Variants in ACVR1C observed in about 807,000 individuals in gnomAD.
ACVR1C encodes activin receptor type-1C.
ACVR1C carries 23 observed loss-of-function variants against 57.9 expected under a neutral mutation model. The ratio of observed to expected loss-of-function variants is 0.40; its 90% confidence interval spans 0.29 to 0.56. The LOEUF (loss-of-function observed/expected upper bound fraction) is 0.56, where lower values mean the gene tolerates loss of function less well. Among genes scored for constraint, ACVR1C ranks in the 20% least tolerant of loss-of-function variants. The probability of loss-of-function intolerance (pLI) is 0.50; values close to 1 mark genes in which losing one functional copy is unlikely to be tolerated. For missense variants in ACVR1C, 480 were observed against 607.9 expected, an observed-to-expected ratio of 0.79 and a Z score of 2.21; for synonymous variants, 214 against 215.3, an observed-to-expected ratio of 0.99 and a Z score of 0.05.
chr2:157,572,725 C>T (rs1688546378), intron 2 of ACVR1C, among the ~76,000 whole-genome samples: 1 of 152,066 alleles, frequency 6.6e-6, no homozygotes, highest in Non-Finnish European at 1.5e-5. Context: ...GAAATGCCTC[C>T]TATATTAAAC....
intron 1 of ACVR1C, among the ~76,000 whole-genome samples, chr2:157,620,184 T>C (rs1391282069): frequency 6.6e-6 from 1 of 152,114 alleles, no homozygotes; most frequent in African/African-American, 2.4e-5. Context: ...CATTCAGTTA[T>C]ACATTTATTA....
rs757167755 is a variant in ACVR1C, at chr2:157,556,149, G to C, written c.488C>G (p.Ala163Gly). The C allele has an allele frequency of 1.9e-6, 3 of 1,614,070 alleles. No homozygotes were observed. Among genetic ancestry groups the C allele is most frequent in the African/African-American group, 2.7e-5 (2 of 75,036 alleles). The change falls in exon 3 of 9, where the codon GCT (alanine) becomes GGT (glycine). Residue 163 changes from alanine to glycine, a missense_variant. Physicochemically the swap from Ala to Gly is moderately conservative, Grantham distance 60. Transcript: ENST00000243349. ...EPLSECNLVN[A>G]GKTLKDLIYD... ...AATCAGATCTTTCAGAGTTTTTCCAGCATTTACCAGATTGCACTCAGAGAG... is the reference window on the plus strand; with the variant it reads ...AATCAGATCTTTCAGAGTTTTTCCACCATTTACCAGATTGCACTCAGAGAG...
At chr2:157,560,910 T>C (rs1405200284) in intron 2 of ACVR1C, among the ~76,000 whole-genome samples, 2 of 152,200 alleles carry the variant, frequency 1.3e-5, no homozygotes, top group African/African-American at 4.8e-5. Flanking sequence ...AATCTTCTGG[T>C]ATAATATCTA....
chr2:157,609,364 T>A (rs1682479839), intron 1 of ACVR1C, among the ~76,000 whole-genome samples: 1 of 151,998 alleles, frequency 6.6e-6, no homozygotes, highest in Admixed American at 6.6e-5. Context: ...ATAAAATTTG[T>A]TGAGACTTAT....
At chr2:157,570,770 G>A (rs1393696492) in intron 2 of ACVR1C, among the ~76,000 whole-genome samples, 3 of 66,426 alleles carry the variant, frequency 4.5e-5, no homozygotes, top group East Asian at 2.8e-4. Context: ...AATCAATATC[G>A]TGAAAATGGC....
At chr2:157,599,273 G>A (rs531426550) in intron 1 of ACVR1C, among the ~76,000 whole-genome samples, 42 of 134,358 alleles carry the variant, frequency 3.1e-4, no homozygotes, top group African/African-American at 1.2e-3. Flanking sequence ...GGGGGAGCTC[G>A]CAGTGGGCCA....
chr2:157,606,439 T>C (rs1682399188), intron 1 of ACVR1C, among the ~76,000 whole-genome samples: 1 of 151,942 alleles, frequency 6.6e-6, no homozygotes, highest in Non-Finnish European at 1.5e-5. Context: ...GAGTTCACTT[T>C]TCTGTGGACA....
intron 1 of ACVR1C, among the ~76,000 whole-genome samples, chr2:157,623,420 A>G (rs1682828794): frequency 6.6e-6 from 1 of 152,252 alleles, no homozygotes; most frequent in South Asian, 2.1e-4. Context: ...AGTACTATTC[A>G]GCCATAAAAA....
intron 1 of ACVR1C, among the ~76,000 whole-genome samples, chr2:157,614,690 A>G (rs890719162): frequency 3.3e-5 from 5 of 152,232 alleles, no homozygotes; most frequent in African/African-American, 1.2e-4. Context: ...GGCTAGAAGC[A>G]TACACAACAT....
chr2:157,550,055 T>C, intron 4 of ACVR1C, 107 bp downstream of exon 4: 1 of 604,582 alleles, frequency 1.7e-6, no homozygotes, highest in East Asian at 3.4e-5. Flanking sequence ...AAAGAAGAGG[T>C]GAATTTATTT....
chr2:157,558,649 T>A (rs977202016), intron 2 of ACVR1C, among the ~76,000 whole-genome samples: 1 of 152,236 alleles, frequency 6.6e-6, no homozygotes. Context: ...CCCCTGAGTG[T>A]TTCGGAATTC....
intron 1 of ACVR1C, among the ~76,000 whole-genome samples, chr2:157,620,224 A>G (rs1682741026): frequency 6.6e-6 from 1 of 152,088 alleles, no homozygotes; most frequent in Admixed American, 6.6e-5. Flanking sequence ...CTAATTATAT[A>G]ATTATTCTGT....
At chr2:157,586,271 A>C (rs1412176917) in intron 2 of ACVR1C, among the ~76,000 whole-genome samples, 1 of 152,056 alleles carries the variant, frequency 6.6e-6, no homozygotes, top group Non-Finnish European at 1.5e-5. Context: ...AATGTTTTTC[A>C]ATTAAAAGGT....
At chr2:157,537,667 C>G (rs1436178100) in intron 8 of ACVR1C, among the ~76,000 whole-genome samples, 1 of 152,046 alleles carries the variant, frequency 6.6e-6, no homozygotes, top group Non-Finnish European at 1.5e-5. Context: ...TAAAAAAGAT[C>G]TCATTCATTA....
chr2:157,592,260 C>G (rs1689066463), intron 1 of ACVR1C, among the ~76,000 whole-genome samples: 1 of 152,078 alleles, frequency 6.6e-6, no homozygotes, highest in Non-Finnish European at 1.5e-5. Context: ...CTGATACTTT[C>G]TCTTTGAAGC....
intron 1 of ACVR1C, among the ~76,000 whole-genome samples, chr2:157,598,379 T>C (rs902789694): frequency 5.3e-5 from 8 of 151,434 alleles, no homozygotes; most frequent in African/African-American, 1.9e-4. Context: ...ATAGCTCACA[T>C]TAAAAAAAGA....
At chr2:157,561,551 G>C in intron 2 of ACVR1C, among the ~76,000 whole-genome samples, 1 of 152,160 alleles carries the variant, frequency 6.6e-6, no homozygotes, top group East Asian at 1.9e-4. Context: ...GTTTCTGGGG[G>C]AAAATAAGTG....
intron 4 of ACVR1C, among the ~76,000 whole-genome samples, chr2:157,545,701 G>C (rs1296984008): frequency 6.6e-6 from 1 of 152,218 alleles, no homozygotes; most frequent in African/African-American, 2.4e-5. Flanking sequence ...GATAGAGGTA[G>C]ACCAGTTAAA....
rs576144931 is a variant in ACVR1C at position 157,550,037 on chromosome 2, A to G, written c.775+125T>C. The G allele has an allele frequency of 8.2e-4, 676 of 819,404 alleles. 3 individuals are homozygous for G. The African/African-American group carries it at 0.01, about 13-fold the overall frequency. 50.8% of individuals were successfully genotyped at this position (819,404 alleles called of 1,614,324 possible). A position where few individuals can be genotyped will look rare whatever the true frequency, so the allele number is the denominator to read the frequency against. On this transcript the variant is annotated intron_variant, in intron 4 of 8. Transcript: ENST00000243349. ...AAAAAAGAAAGAAAAGGAAAAGGAA[A>G]AAAAAAAAAAGAAGAGGTGAATTTA...
Sources: gnomAD v4.1 joint callset for allele counts (sites outside exome capture counted in the v4.1 genomes callset) on GRCh38, gnomAD v4.1.1 for gene constraint, MANE v1.5 for transcripts, NCBI Gene and HGNC (gene_info 2026-07-23, HGNC 2026-07-21) for gene names.